The following LRMDA variants were observed in gnomAD, a reference collection of about 807,000 sequenced individuals.
The protein encoded by LRMDA is leucine rich melanocyte differentiation associated.
LRMDA carries 18 observed loss-of-function variants against 29.8 expected under a neutral mutation model. That is an observed-to-expected ratio of 0.60 (90% CI 0.42 to 0.90). The LOEUF is 0.90. Ranked by LOEUF, LRMDA falls within the 40% of genes least tolerant of loss-of-function variation. The probability of loss-of-function intolerance (pLI) is 0.00; values close to 1 mark genes in which losing one functional copy is unlikely to be tolerated. For missense variants in LRMDA, 273 were observed against 273.9 expected (o/e 1.00, Z 0.02); for synonymous variants, 125 against 109.4 (o/e 1.14, Z -0.89).
At chr10:76,147,001 T>G (rs1199212787) in intron 5 of LRMDA, among the ~76,000 whole-genome samples, 3 of 152,234 alleles carry the variant, frequency 2.0e-5, no homozygotes, top group Admixed American at 6.5e-5. Flanking sequence ...TTAAGAATGT[T>G]GAATATTGGT....
chr10:75,542,544 T>TA (rs1840030737), intron 2 of LRMDA, among the ~76,000 whole-genome samples: 1 of 151,988 alleles, frequency 6.6e-6, no homozygotes, highest in Non-Finnish European at 1.5e-5. Context: ...AGGGACCCAA[T>TA]AAAAAAACAA....
intron 5 of LRMDA, among the ~76,000 whole-genome samples, chr10:76,322,780 G>A (rs1178449578): frequency 4.6e-5 from 7 of 152,136 alleles, no homozygotes; most frequent in Non-Finnish European, 1.0e-4. Context: ...AATATTGACA[G>A]CTATGGCTTC....
rs574148794 is a variant in LRMDA, at chr10:75,474,474, G to A, written c.131+35980G>A. Reference sequence around the variant, plus strand: ...GGGGTCTGTTTGTGGATCCATTCATGAGACTCTGCCCCTATGACCTCATCA... The same window carrying A: ...GGGGTCTGTTTGTGGATCCATTCATAAGACTCTGCCCCTATGACCTCATCA... On this transcript the variant is annotated intron_variant, in intron 2 of 6. Coordinates refer to ENST00000611255, the MANE Select transcript of LRMDA (RefSeq NM_001305581.2). Among the ~76,000 whole-genome samples, 8 of 152,298 alleles carry A rather than the reference G, an allele frequency of 5.3e-5. No individual in the cohort carries two copies. In the East Asian group the frequency reaches 1.4e-3, roughly 26 times the overall value.
chr10:75,739,228 G>A (rs1842800955), intron 2 of LRMDA, among the ~76,000 whole-genome samples: 1 of 152,200 alleles, frequency 6.6e-6, no homozygotes, highest in South Asian at 2.1e-4. Context: ...TAAGATGTAT[G>A]TTAATACATA....
chr10:76,225,786 C>T (rs1007202207), intron 5 of LRMDA, among the ~76,000 whole-genome samples: 1 of 150,908 alleles, frequency 6.6e-6, no homozygotes, highest in Non-Finnish European at 1.5e-5. Context: ...TGCAGGTTTG[C>T]TACATATGTA....
chr10:76,386,558 G>T (rs767338440), intron 6 of LRMDA, among the ~76,000 whole-genome samples: 42 of 152,028 alleles, frequency 2.8e-4, no homozygotes, highest in Non-Finnish European at 5.6e-4. Flanking sequence ...TCTTGGTGGA[G>T]GAACATGTTC....
chr10:76,070,709 T>TCTC (rs3042549), intron 5 of LRMDA, among the ~76,000 whole-genome samples: 56,785 of 151,924 alleles, frequency 0.37, 11,822 homozygotes, highest in Non-Finnish European at 0.46. Flanking sequence ...ATGAAATACT[T>TCTC]CTGCTCTTCT....
intron 2 of LRMDA, among the ~76,000 whole-genome samples, chr10:75,917,861 C>T (rs1418518226): frequency 6.6e-6 from 1 of 152,172 alleles, no homozygotes; most frequent in African/African-American, 2.4e-5. Context: ...ACGTACCCCG[C>T]CTTGGTACTT....
intron 5 of LRMDA, among the ~76,000 whole-genome samples, chr10:76,297,744 G>GC (rs1840429333): frequency 6.6e-6 from 1 of 152,076 alleles, no homozygotes; most frequent in Non-Finnish European, 1.5e-5. Flanking sequence ...TATCACCATT[G>GC]CCCCCCTTTA....
intron 5 of LRMDA, among the ~76,000 whole-genome samples, chr10:76,300,503 C>T (rs1201783966): frequency 6.6e-6 from 1 of 152,222 alleles, no homozygotes; most frequent in African/African-American, 2.4e-5. Flanking sequence ...GTGTTCTCAT[C>T]TGTCTAATAG....
chr10:75,928,046 CA>C (rs1846148627), intron 2 of LRMDA, among the ~76,000 whole-genome samples: 1 of 28,116 alleles, frequency 3.6e-5, no homozygotes, highest in South Asian at 2.5e-3. Flanking sequence ...AGTTTAACAT[CA>C]TCATCATCAT....
intron 5 of LRMDA, among the ~76,000 whole-genome samples, chr10:76,099,235 A>G (rs1370941450): frequency 6.6e-6 from 1 of 152,224 alleles, no homozygotes; most frequent in Non-Finnish European, 1.5e-5. Context: ...AAGTTAAACT[A>G]TTAATATAAA....
chr10:75,434,003 C>T (rs188437178), intron 1 of LRMDA, among the ~76,000 whole-genome samples: 1 of 152,188 alleles, frequency 6.6e-6, no homozygotes, highest in East Asian at 1.9e-4. Flanking sequence ...TGCAGTCTTC[C>T]TATTGCTTTT....
chr10:75,558,551 T>G (rs1306565863), intron 2 of LRMDA, among the ~76,000 whole-genome samples: 1 of 151,918 alleles, frequency 6.6e-6, no homozygotes, highest in Non-Finnish European at 1.5e-5. Context: ...ATTATTATAC[T>G]TTAAGTTTTA....
intron 6 of LRMDA, among the ~76,000 whole-genome samples, chr10:76,554,944 T>G (rs149143367): frequency 3.9e-5 from 6 of 152,198 alleles, no homozygotes; most frequent in Non-Finnish European, 7.4e-5. Flanking sequence ...AGAGAAAGAT[T>G]GTGTTCTTTA....
intron 5 of LRMDA, among the ~76,000 whole-genome samples, chr10:76,304,598 C>G (rs942736479): frequency 1.3e-5 from 2 of 152,138 alleles, no homozygotes; most frequent in Non-Finnish European, 1.5e-5. Context: ...CTGACTTAGC[C>G]TGGGAAGATG....
At chr10:76,465,701 G>A (rs1279062476) in intron 6 of LRMDA, among the ~76,000 whole-genome samples, 1 of 152,080 alleles carries the variant, frequency 6.6e-6, no homozygotes, top group East Asian at 1.9e-4. Context: ...CCACTCGCTG[G>A]GTGACTTAAA....
chr10:76,215,798 G>A (rs1185067523), intron 5 of LRMDA, among the ~76,000 whole-genome samples: 1 of 152,190 alleles, frequency 6.6e-6, no homozygotes, highest in African/African-American at 2.4e-5. Context: ...GATAAAATGT[G>A]GTGGATACCA....
Position 76,036,058 on chromosome 10 carries a change from A to G in LRMDA, c.182A>G (p.Asp61Gly), listed in dbSNP as rs748965354. 1.2e-6 allele frequency: 2 copies of G among 1,614,154 alleles called. No individual in the cohort carries two copies. Among genetic ancestry groups the G allele is most frequent in the South Asian group, 2.2e-5 (2 of 91,072 alleles). ...AFRSLEELILDNNQLGDDLVL... is the reference protein window; with the variant it reads ...AFRSLEELILGNNQLGDDLVL... ...AGGAGCCTGGAGGAACTCATCTTGG[A>G]CAACAATCAGCTGGGGGACGACCTT... is the stretch of plus-strand genomic sequence containing the variant. Residue 61 changes from aspartate to glycine, a missense_variant, in exon 3 of 7, where the codon GAC becomes GGC. Coordinates refer to ENST00000611255, the MANE Select transcript of LRMDA (RefSeq NM_001305581.2).
Sources: allele counts gnomAD v4.1 joint callset (sites outside exome capture counted in the v4.1 genomes callset), GRCh38; gene constraint gnomAD v4.1.1; transcripts MANE v1.5; gene names NCBI Gene and HGNC (gene_info 2026-07-23, HGNC 2026-07-21).